The following PAWR variants were observed in gnomAD, a reference collection of about 807,000 sequenced individuals.
PAWR encodes the protein pro-apoptotic WT1 regulator, also known as PRKC apoptosis WT1 regulator protein.
In PAWR, 23 loss-of-function variants were observed where a neutral mutation model predicts 32.0. The ratio of observed to expected loss-of-function variants is 0.72; its 90% CI spans 0.52 to 1.02. The LOEUF is 1.02. PAWR is among the 50% of genes least tolerant of loss of function. The probability of loss-of-function intolerance (pLI) is 0.00; values close to 1 mark genes in which losing one functional copy is unlikely to be tolerated. For missense variants in PAWR, 457 were observed against 437.7 expected (o/e 1.04, Z -0.39); for synonymous variants, 226 against 187.1 (o/e 1.21, Z -1.70).
intron 3 of PAWR, among the ~76,000 whole-genome samples, chr12:79,617,485 T>C (rs929558862): frequency 6.6e-6 from 1 of 151,818 alleles, no homozygotes; most frequent in Non-Finnish European, 1.5e-5. Context: ...AAAGGTGGAG[T>C]TTAAAGTGAT....
At chr12:79,631,411 T>A (rs141594285) in intron 2 of PAWR, among the ~76,000 whole-genome samples, 1 of 152,172 alleles carries the variant, frequency 6.6e-6, no homozygotes, top group Non-Finnish European at 1.5e-5. Flanking sequence ...ATCTTCTATA[T>A]AGAATATCTT....
At chr12:79,628,190 C>G (rs572036039) in intron 2 of PAWR, among the ~76,000 whole-genome samples, 152 of 152,286 alleles carry the variant, frequency 1.0e-3, no homozygotes, top group African/African-American at 3.5e-3. Flanking sequence ...AACTGAACAA[C>G]CTGCTCCTGA....
intron 2 of PAWR, among the ~76,000 whole-genome samples, chr12:79,681,105 G>C (rs1055565443): frequency 8.8e-6 from 1 of 113,864 alleles, no homozygotes; most frequent in Non-Finnish European, 1.7e-5. Flanking sequence ...CAGAGATCCT[G>C]TCTCAGAAAA....
At chr12:79,606,018 GA>G (rs1874167583) in intron 4 of PAWR, among the ~76,000 whole-genome samples, 1 of 152,108 alleles carries the variant, frequency 6.6e-6, no homozygotes, top group South Asian at 2.1e-4. Context: ...GGGTTGCAGT[GA>G]GCCGAGATTG....
At chr12:79,667,734 A>G (rs1024431341) in intron 2 of PAWR, among the ~76,000 whole-genome samples, 1 of 152,214 alleles carries the variant, frequency 6.6e-6, no homozygotes, top group Admixed American at 6.5e-5. Flanking sequence ...TAATAAATTC[A>G]TACTATCTAC....
In PAWR at chr12:79,632,344, TATATATATATATATA is replaced by T. The variant is rs1566011065; in HGVS notation, c.517-11152_517-11138del. On this transcript the variant is annotated intron_variant, in intron 2 of 6. Coordinates refer to ENST00000328827, the MANE Select transcript of PAWR (RefSeq NM_002583.4). ...ATATATATATATATATATATATATATATATATATATATATATATTTTTTTTTTTTTTTAGACAGGG... is the reference window on the plus strand; with the variant it reads ...ATATATATATATATATATATATATATTATTTTTTTTTTTTTTTAGACAGGG... Among the ~76,000 whole-genome samples, 23 of 63,934 alleles carry T rather than the reference TATATATATATATATA, an allele frequency of 3.6e-4. 2 individuals carry two copies. The highest frequency in any genetic ancestry group is 2.2e-3 in the South Asian group (5 of 2,266). The allele number at this position is 63,934 out of a possible 152,430, so 41.9% of individuals were successfully genotyped here. A position where few individuals can be genotyped will look rare whatever the true frequency, so the allele number is the denominator to read the frequency against.
At chr12:79,603,512 C>T (rs1326763560) in intron 4 of PAWR, among the ~76,000 whole-genome samples, 1 of 152,026 alleles carries the variant, frequency 6.6e-6, no homozygotes, top group Non-Finnish European at 1.5e-5. Flanking sequence ...CTGACAGCTA[C>T]AAACAAACCA....
intron 2 of PAWR, among the ~76,000 whole-genome samples, chr12:79,684,891 T>C (rs1319608775): frequency 6.6e-6 from 1 of 152,202 alleles, no homozygotes; most frequent in Non-Finnish European, 1.5e-5. Flanking sequence ...AGATGGTTTA[T>C]TACGCACAAG....
At chr12:79,674,627 G>A (rs556547535) in intron 2 of PAWR, among the ~76,000 whole-genome samples, 1 of 152,064 alleles carries the variant, frequency 6.6e-6, no homozygotes, top group African/African-American at 2.4e-5. Flanking sequence ...ACAATCTACA[G>A]AATGGGAGAA....
intron 4 of PAWR, among the ~76,000 whole-genome samples, chr12:79,606,011 T>C (rs539851069): frequency 1.3e-5 from 2 of 151,952 alleles, no homozygotes; most frequent in East Asian, 1.9e-4. Flanking sequence ...AACGCGGGGG[T>C]TGCAGTGAGC....
intron 1 of PAWR, chr12:79,690,655 G>T (rs1222533249): frequency 6.7e-6 from 1 of 148,418 alleles, no homozygotes; most frequent in Non-Finnish European, 1.4e-5. Flanking sequence ...ACCAAGGTCC[G>T]CGCCGGCGGC....
chr12:79,603,665 C>CAATTTTTTTTT lies in PAWR; in HGVS notation c.684-7008_684-7007insAAAAAAAAATT, dbSNP rs1565998443. On this transcript the variant is annotated intron_variant, in intron 4 of 6. Transcript: ENST00000328827. Reference sequence around the variant, plus strand: ...TCAATACATAAACGGCATCATTATGCTATTTTTTTTTTTTTTTTTTTTTTT... The same window carrying CAATTTTTTTTT: ...TCAATACATAAACGGCATCATTATGCAATTTTTTTTTTATTTTTTTTTTTTTTTTTTTTTTT... 1.2e-4 allele frequency: 17 copies of CAATTTTTTTTT among 141,464 alleles called. 1 individual carries two copies. Among genetic ancestry groups the CAATTTTTTTTT allele is most frequent in the African/African-American group, 4.5e-4 (17 of 38,090 alleles). The allele number at this position is 141,464 out of a possible 1,614,324, so 8.8% of individuals were successfully genotyped here.
At chr12:79,658,466 A>T (rs558633024) in intron 2 of PAWR, among the ~76,000 whole-genome samples, 2 of 152,286 alleles carry the variant, frequency 1.3e-5, no homozygotes, top group Admixed American at 1.3e-4. Context: ...CAAGCAGAGA[A>T]AAAAGATTTT....
rs1260515757 is a variant in PAWR at position 79,588,568 on chromosome 12, T to C, written c.*4039A>G. The C allele has an allele frequency of 6.6e-6, 1 of 152,002 alleles. No individual in the cohort carries two copies. Among genetic ancestry groups the C allele is most frequent in the Non-Finnish European group, 1.5e-5 (1 of 67,868 alleles). 9.4% of individuals were successfully genotyped at this position (152,002 alleles called of 1,614,324 possible). A position where few individuals can be genotyped will look rare whatever the true frequency, so the allele number is the denominator to read the frequency against. On this transcript the variant is annotated 3_prime_UTR_variant, in exon 7 of 7. Transcript: ENST00000328827. Reference sequence around the variant, plus strand: ...CACAAAGAAGTACTTTTGAGTAAACTATTCAGATTAGACAGGCTAATGCTA... The same window carrying C: ...CACAAAGAAGTACTTTTGAGTAAACCATTCAGATTAGACAGGCTAATGCTA...
intron 2 of PAWR, among the ~76,000 whole-genome samples, chr12:79,638,886 ATATATATATATTTTTTTTT>A (rs1876122460): frequency 1.0e-4 from 1 of 9,630 alleles, no homozygotes; most frequent in East Asian, 2.0e-3. Flanking sequence ...ATATATATAT[ATATATATATATTTTTTTTT>A]TTTTTTTTTT....
rs1459136938 is a variant in PAWR, at chr12:79,591,483, C to T, written c.*1124G>A. 1 of 152,088 alleles carries T rather than the reference C, an allele frequency of 6.6e-6. No individual in the cohort carries two copies. Among genetic ancestry groups the T allele is most frequent in the South Asian group, 2.1e-4 (1 of 4,818 alleles). The allele number at this position is 152,088 out of a possible 1,614,324, so 9.4% of individuals were successfully genotyped here. A position where few individuals can be genotyped will look rare whatever the true frequency, so the allele number is the denominator to read the frequency against. On this transcript the variant is annotated 3_prime_UTR_variant, in exon 7 of 7. Transcript: ENST00000328827. ...TTTTAAGGGAAGACGGGGTTCTTAA[C>T]ATGAATATGTAATACAAAAACAATT...
At position 79,611,019 on chromosome 12, in the gene PAWR, A is replaced by G. The variant is rs533706324; in HGVS notation, c.683+2556T>C. On this transcript the variant is annotated intron_variant, in intron 4 of 6. Coordinates refer to ENST00000328827, the MANE Select transcript of PAWR (RefSeq NM_002583.4). ...AACAGACTCAAGGCTAAAAATGTAC[A>G]TTCTTATTTGTGAGAAAAATTAAGT... 1.9e-4 allele frequency among the ~76,000 whole-genome samples: 28 copies of G among 150,996 alleles called. No individual in the cohort carries two copies. The East Asian group carries it at 5.4e-3, about 29-fold the overall frequency.
Position 79,690,100 on chromosome 12 carries a change from C to A in PAWR, c.145G>T (p.Ala49Ser). ...GCCCCCGCGGGGGGCTTCCCAGCGG[C>A]GTCGCTGCTGCCCCCTCCCGGGGGG... ...PAPPGGGSSD[A>S]AGKPPAGALG... is the part of the protein sequence containing the mutation. Residue 49 changes from alanine (A) to serine (S), a missense_variant, in exon 2 of 7, where the codon GCC (alanine) becomes TCC (serine). Ala to Ser is a moderately conservative substitution (Grantham distance 99, BLOSUM62 1). Coordinates refer to ENST00000328827, the MANE Select transcript of PAWR (RefSeq NM_002583.4). The A allele has an allele frequency of 6.8e-7, 1 of 1,467,036 alleles. No individual in the cohort carries two copies. The highest frequency in any genetic ancestry group is 9.0e-7 in the Non-Finnish European group (1 of 1,116,392). 90.9% of individuals were successfully genotyped at this position (1,467,036 alleles called of 1,614,324 possible).
chr12:79,626,162 T>TAAAAAAAAAAAAAAAA (rs1566007978), intron 2 of PAWR, among the ~76,000 whole-genome samples: 2 of 41,858 alleles, frequency 4.8e-5, no homozygotes, highest in African/African-American at 3.1e-4. Flanking sequence ...AGACTCCATC[T>TAAAAAAAAAAAAAAAA]TAAAAAAAAA....
Sources: gnomAD v4.1 joint callset for allele counts (sites outside exome capture counted in the v4.1 genomes callset) on GRCh38, gnomAD v4.1.1 for gene constraint, MANE v1.5 for transcripts, NCBI Gene and HGNC (gene_info 2026-07-23, HGNC 2026-07-21) for gene names.